ELAVL1: variants seen among roughly 807,000 people sequenced by gnomAD.
The protein encoded by ELAVL1 is ELAV-like protein 1.
In ELAVL1, 1 loss-of-function variant was observed where a neutral mutation model predicts 28.4. That is an observed-to-expected ratio of 0.04 (90% CI 0.01 to 0.17). The LOEUF is 0.17. Ranked by LOEUF, ELAVL1 falls within the 10% of genes least tolerant of loss-of-function variation. The pLI is 1.00. For synonymous variants in ELAVL1, 174 were observed against 183.5 expected (o/e 0.95, Z 0.42); for missense variants, 157 against 447.2 (o/e 0.35, Z 5.85).
chr19:7,984,641 C>T (rs1437374527), intron 2 of ELAVL1, among the ~76,000 whole-genome samples: 1 of 152,178 alleles, frequency 6.6e-6, no homozygotes, highest in Non-Finnish European at 1.5e-5. Flanking sequence ...GGCCCCTGAT[C>T]TCCCTACAGG....
Position 7,982,437 on chromosome 19 carries a change from G to A in ELAVL1, c.173-1251C>T, listed in dbSNP as rs1985489575. Among the ~76,000 whole-genome samples the A allele has an allele frequency of 6.6e-6, 1 of 152,124 alleles. No individual in the cohort carries two copies. ...GAGGCAGAGATCCTCCTGGCAGCTG[G>A]GCCAGGGACATCCAGATCCATCTCA... On this transcript the variant is annotated intron_variant, in intron 2 of 5. Coordinates refer to ENST00000407627, the MANE Select transcript of ELAVL1 (RefSeq NM_001419.3). This position sits in a 1 kb window ranked among gnomAD's most constrained non-coding sequence, Gnocchi z 4.3.
intron 1 of ELAVL1, 135 bp from the exon 2 acceptor site, chr19:7,991,966 A>T (rs1312649969): frequency 6.7e-6 from 5 of 748,194 alleles, no homozygotes; most frequent in Non-Finnish European, 9.7e-6. Flanking sequence ...TTTGAGACAG[A>T]GTCTCACTCT....
intron 1 of ELAVL1, among the ~76,000 whole-genome samples, chr19:7,997,693 C>T (rs1487155331): frequency 6.6e-6 from 1 of 151,824 alleles, no homozygotes; most frequent in Non-Finnish European, 1.5e-5. Context: ...TTAATCCCAG[C>T]GCTTTCAGAG....
At chr19:8,003,467 C>T (rs552700635) in intron 1 of ELAVL1, among the ~76,000 whole-genome samples, 4 of 149,304 alleles carry the variant, frequency 2.7e-5, no homozygotes, top group Non-Finnish European at 5.9e-5. Context: ...CCGAGGCGGG[C>T]GGATCACAAG....
At chr19:8,003,691 C>CAAA (rs35438998) in intron 1 of ELAVL1, among the ~76,000 whole-genome samples, 11 of 80,746 alleles carry the variant, frequency 1.4e-4, no homozygotes, top group African/African-American at 4.4e-4. Flanking sequence ...GACTCCGTCT[C>CAAA]AAAAAAAAAA....
chr19:7,959,452 C>G lies in ELAVL1; in HGVS notation c.*4031G>C, dbSNP rs535465575. 1 of 152,378 alleles carries G rather than the reference C, an allele frequency of 6.6e-6. No homozygotes were observed. The highest frequency in any genetic ancestry group is 1.5e-5 in the Non-Finnish European group (1 of 68,024). The allele number at this position is 152,378 out of a possible 1,614,324, so 9.4% of individuals were successfully genotyped here. The stretch of plus-strand genomic sequence containing the variant: ...GGTCAAAGAGGTGGCCCCAAACCAA[C>G]GGAAAAGGCTTCTCTTCTGGTGGAA... On this transcript the variant is annotated 3_prime_UTR_variant, in exon 6 of 6. Transcript: ENST00000407627.
At chr19:7,990,312 G>A (rs867891075) in intron 2 of ELAVL1, among the ~76,000 whole-genome samples, 136 of 151,810 alleles carry the variant, frequency 9.0e-4, no homozygotes, top group African/African-American at 3.0e-3. Flanking sequence ...ATGAGCCACC[G>A]TGCCCAGCAT....
In ELAVL1 at chr19:7,988,645, G is replaced by C. The variant is rs117753987; in HGVS notation, c.172+2999C>G. ...CTAGGGGAGACTCTGCCTCCCAGGG[G>C]ACATGCGGCAATGTCAGGACATTTT... On this transcript the variant is annotated intron_variant, in intron 2 of 5. Transcript: ENST00000407627. Among the ~76,000 whole-genome samples the C allele has an allele frequency of 6.8e-3, 1,035 of 152,294 alleles. 6 individuals are homozygous for C. The highest frequency in any genetic ancestry group is 0.011 in the Non-Finnish European group (745 of 68,012).
At chr19:7,965,732 T>A (rs970097266) in intron 5 of ELAVL1, among the ~76,000 whole-genome samples, 1 of 152,182 alleles carries the variant, frequency 6.6e-6, no homozygotes, top group Non-Finnish European at 1.5e-5. Flanking sequence ...CAGAGTCCCA[T>A]GTCTCCTCCA....
intron 1 of ELAVL1, among the ~76,000 whole-genome samples, chr19:7,997,225 T>G (rs1322934321): frequency 6.6e-6 from 1 of 152,200 alleles, no homozygotes; most frequent in Non-Finnish European, 1.5e-5. Flanking sequence ...AAAATCTATA[T>G]TCACACAAAA....
intron 1 of ELAVL1, among the ~76,000 whole-genome samples, chr19:7,999,738 A>T (rs1193414160): frequency 6.6e-6 from 1 of 151,990 alleles, no homozygotes; most frequent in Admixed American, 6.6e-5. Flanking sequence ...GCGTGTCACT[A>T]CGTAGTCCTA....
At chr19:7,992,989 G>A (rs764417331) in intron 1 of ELAVL1, among the ~76,000 whole-genome samples, 4 of 152,064 alleles carry the variant, frequency 2.6e-5, no homozygotes, top group Non-Finnish European at 5.9e-5. Context: ...GGTTAATTTT[G>A]AACTCCTGGC....
intron 3 of ELAVL1, among the ~76,000 whole-genome samples, chr19:7,978,073 A>G (rs1985351043): frequency 6.6e-6 from 1 of 152,210 alleles, no homozygotes; most frequent in South Asian, 2.1e-4. Flanking sequence ...GGACCACCTT[A>G]CAGAGAATGG....
intron 2 of ELAVL1, among the ~76,000 whole-genome samples, chr19:7,984,161 TTC>T (rs1417191993): frequency 6.6e-6 from 1 of 152,168 alleles, no homozygotes; most frequent in African/African-American, 2.4e-5. Context: ...GGTCAAGCTC[TTC>T]TCTGTCCTCA....
At chr19:7,985,119 C>CA (rs533901154) in intron 2 of ELAVL1, among the ~76,000 whole-genome samples, 110 of 152,298 alleles carry the variant, frequency 7.2e-4, no homozygotes, top group African/African-American at 2.5e-3. Flanking sequence ...GGGGTTTCGC[C>CA]ATGTTGCCCA....
At chr19:7,987,361 T>A (rs190005802) in intron 2 of ELAVL1, among the ~76,000 whole-genome samples, 1 of 152,056 alleles carries the variant, frequency 6.6e-6, no homozygotes, top group African/African-American at 2.4e-5. Flanking sequence ...GAGGGACATA[T>A]GGGGCCACTG....
rs1195875719 is a variant in ELAVL1, at chr19:7,981,368, TTTTTA to T, written c.173-187_173-183del. Among the ~76,000 whole-genome samples, 3 of 151,896 alleles carry T rather than the reference TTTTTA, an allele frequency of 2.0e-5. No homozygotes were observed. The highest frequency in any genetic ancestry group is 2.9e-5 in the Non-Finnish European group (2 of 67,956). ...GAACACAGGTTCCTTTTTTTTTTTT[TTTTTA>T]AAGAGATAGGATCTTGCTCTGTCAC... On this transcript the variant is annotated intron_variant, in intron 2 of 5. Transcript: ENST00000407627. This position sits in a 1 kb window ranked among gnomAD's most constrained non-coding sequence, Gnocchi z 4.2.
intron 2 of ELAVL1, among the ~76,000 whole-genome samples, chr19:7,983,970 G>A (rs566856710): frequency 4.6e-5 from 7 of 152,166 alleles, no homozygotes; most frequent in East Asian, 1.9e-4. Context: ...CCAGGTTTCC[G>A]TCTCCCTGGC....
chr19:7,977,801 G>C (rs1264211080), intron 3 of ELAVL1, among the ~76,000 whole-genome samples: 1 of 152,276 alleles, frequency 6.6e-6, no homozygotes, highest in Non-Finnish European at 1.5e-5. Context: ...ATGAGCACAA[G>C]GCTCCAGGAG....
Sources: gnomAD v4.1 joint callset for allele counts (sites outside exome capture counted in the v4.1 genomes callset) on GRCh38, gnomAD v4.1.1 for gene constraint, Gnocchi (gnomAD v3.1) non-coding constraint, MANE v1.5 for transcripts, NCBI Gene and HGNC (gene_info 2026-07-23, HGNC 2026-07-21) for gene names.